DSCAM: variants seen among roughly 807,000 people sequenced by gnomAD.
DSCAM encodes the protein cell adhesion molecule DSCAM.
In DSCAM, 47 loss-of-function variants were observed where a neutral mutation model predicts 217.7. The observed-to-expected ratio is 0.22, with a 90% CI of 0.17 to 0.28. The LOEUF is 0.28. Ranked by LOEUF, DSCAM falls within the 10% of genes least tolerant of loss-of-function variation. The pLI, the probability that DSCAM is intolerant of heterozygous loss-of-function variation, is 1.00. For synonymous variants in DSCAM, 1,056 were observed against 1,015.3 expected, an observed-to-expected ratio of 1.04 and a Z score of -0.76; for missense variants, 2,080 against 2,618.3, an observed-to-expected ratio of 0.79 and a Z score of 4.49.
Position 40,085,657 on chromosome 21 carries a change from G to A in DSCAM, c.4077C>T (p.Cys1359=). The change falls in exon 23 of 33, where the codon TGC becomes TGT. Residue 1359 remains cysteine, a synonymous_variant. Coordinates refer to ENST00000400454, the MANE Select transcript of DSCAM (RefSeq NM_001389.5). ...CAGATCCCCAGTTGTTATTGGCAATGCAGCTGTAATAGCCGGAGTCTTCTG... is the reference window on the plus strand; with the variant it reads ...CAGATCCCCAGTTGTTATTGGCAATACAGCTGTAATAGCCGGAGTCTTCTG... ...VKAEDSGYYS[C]IANNNWGSDE... is the part of the protein sequence containing the mutation. 1 of 1,591,748 alleles carries A rather than the reference G, an allele frequency of 6.3e-7. No individual in the cohort carries two copies. The highest frequency in any genetic ancestry group is 8.6e-7 in the Non-Finnish European group (1 of 1,162,750).
At chr21:40,731,822 G>A (rs1287334025) in intron 1 of DSCAM, among the ~76,000 whole-genome samples, 2 of 136,964 alleles carry the variant, frequency 1.5e-5, no homozygotes, top group African/African-American at 2.7e-5. Flanking sequence ...TCTGCCTCCC[G>A]GGTTCAAGTG....
chr21:40,616,993 G>A (rs1277290443), intron 3 of DSCAM, among the ~76,000 whole-genome samples: 2 of 138,092 alleles, frequency 1.4e-5, no homozygotes, highest in Non-Finnish European at 3.1e-5. Context: ...CTCCAGCCTG[G>A]GCGACAGAGC....
Position 40,187,978 on chromosome 21 carries a change from T to C in DSCAM, c.2563A>G (p.Thr855Ala), listed in dbSNP as rs777631263. Residue 855 changes from threonine to alanine, a missense_variant, in exon 13 of 33, where the codon ACT becomes GCT. Physicochemically the swap from Thr to Ala is moderately conservative, Grantham distance 58. Coordinates refer to ENST00000400454, the MANE Select transcript of DSCAM (RefSeq NM_001389.5). ...AAGAAACCAGAATCTTCTCTCACAG[T>C]TGGCAAAATCTATGTGTAAAGCAGA... Reference protein sequence around the residue: ...EVISTLQILPTVREDSGFFSC... With the variant: ...EVISTLQILPAVREDSGFFSC... 1.2e-6 allele frequency: 2 copies of C among 1,613,778 alleles called. No homozygotes were observed. Among genetic ancestry groups the C allele is most frequent in the Non-Finnish European group, 1.7e-6 (2 of 1,179,834 alleles).
intron 3 of DSCAM, among the ~76,000 whole-genome samples, chr21:40,554,345 C>T (rs2076654378): frequency 6.6e-6 from 1 of 152,052 alleles, no homozygotes; most frequent in South Asian, 2.1e-4. Flanking sequence ...ATCATTCTTA[C>T]AAAAATGGAA....
intron 11 of DSCAM, among the ~76,000 whole-genome samples, chr21:40,240,854 T>C (rs1196558118): frequency 6.6e-6 from 1 of 152,190 alleles, no homozygotes; most frequent in Non-Finnish European, 1.5e-5. Context: ...GCAGAGATCC[T>C]GATGATTCTA....
At chr21:40,141,975 T>TACACACACACACACACACACACACACAC (rs72076559) in intron 18 of DSCAM, among the ~76,000 whole-genome samples, 43 of 143,204 alleles carry the variant, frequency 3.0e-4, no homozygotes, top group African/African-American at 9.3e-4. Context: ...CCACTTGAAA[T>TACACACACACACACACACACACACACAC]ACACACACAC....
At chr21:40,713,710 C>T (rs577016818) in intron 1 of DSCAM, among the ~76,000 whole-genome samples, 1 of 152,162 alleles carries the variant, frequency 6.6e-6, no homozygotes, top group Non-Finnish European at 1.5e-5. Context: ...GTGGAATGAG[C>T]TCATGCATTT....
At chr21:40,163,106 C>CACACACACACACACAA (rs1388207347) in intron 16 of DSCAM, among the ~76,000 whole-genome samples, 1 of 151,160 alleles carries the variant, frequency 6.6e-6, no homozygotes, top group Non-Finnish European at 1.5e-5. Context: ...CACACACACA[C>CACACACACACACACAA]AAGCATGCAC....
intron 3 of DSCAM, among the ~76,000 whole-genome samples, chr21:40,570,010 ATC>A (rs1306844581): frequency 6.6e-6 from 1 of 152,212 alleles, no homozygotes; most frequent in African/African-American, 2.4e-5. Context: ...ACTGAGGTGG[ATC>A]TCTGCATTCC....
At chr21:40,317,195 T>C (rs1426118815) in intron 8 of DSCAM, among the ~76,000 whole-genome samples, 1 of 152,204 alleles carries the variant, frequency 6.6e-6, no homozygotes, top group Non-Finnish European at 1.5e-5. Flanking sequence ...TAGTCCGGGG[T>C]ATACCTTCAA....
chr21:40,790,148 GC>G (rs1227068933), intron 1 of DSCAM, among the ~76,000 whole-genome samples: 1 of 150,770 alleles, frequency 6.6e-6, no homozygotes, highest in South Asian at 2.1e-4. Context: ...TGGTTAAATA[GC>G]CCCCTAGGAT....
chr21:40,040,893 C>T (rs937213245), intron 32 of DSCAM, among the ~76,000 whole-genome samples: 4 of 151,596 alleles, frequency 2.6e-5, no homozygotes, highest in Admixed American at 6.6e-5. Context: ...CTGCATTTTT[C>T]TCCATTTGCC....
At chr21:40,791,537 C>T (rs994932570) in intron 1 of DSCAM, among the ~76,000 whole-genome samples, 1 of 152,104 alleles carries the variant, frequency 6.6e-6, no homozygotes, top group Non-Finnish European at 1.5e-5. Flanking sequence ...CGCCTGTAGT[C>T]CCAGCTACTC....
At chr21:40,691,178 G>T (rs967856920) in intron 3 of DSCAM, among the ~76,000 whole-genome samples, 1 of 152,218 alleles carries the variant, frequency 6.6e-6, no homozygotes, top group African/African-American at 2.4e-5. Flanking sequence ...ATTGAGGTCA[G>T]GCATGGCCAT....
intron 9 of DSCAM, among the ~76,000 whole-genome samples, chr21:40,310,802 A>C (rs1015825083): frequency 6.6e-6 from 1 of 152,054 alleles, no homozygotes; most frequent in African/African-American, 2.4e-5. Flanking sequence ...TCCCTTTTTT[A>C]TTTATCTTTC....
At chr21:40,637,619 A>ATC (rs2089817451) in intron 3 of DSCAM, among the ~76,000 whole-genome samples, 1 of 57,274 alleles carries the variant, frequency 1.7e-5, no homozygotes, top group Non-Finnish European at 3.0e-5. Flanking sequence ...ATATATAAAT[A>ATC]TATACATATA....
chr21:40,663,324 G>A (rs2090162693), intron 3 of DSCAM, among the ~76,000 whole-genome samples: 1 of 151,914 alleles, frequency 6.6e-6, no homozygotes, highest in Non-Finnish European at 1.5e-5. Flanking sequence ...GTGTGTAAGA[G>A]AGTATGTGTG....
rs956214947 is a variant in DSCAM at position 40,391,581 on chromosome 21, G to T, written c.509-22336C>A. ...ACTATGATTTATCCTTCTCTCCAGGGTTGTTCATACTGTGGAGTTTTTCTA... is the reference window on the plus strand; with the variant it reads ...ACTATGATTTATCCTTCTCTCCAGGTTTGTTCATACTGTGGAGTTTTTCTA... On this transcript the variant is annotated intron_variant, in intron 3 of 32. Coordinates refer to ENST00000400454, the MANE Select transcript of DSCAM (RefSeq NM_001389.5). Among the ~76,000 whole-genome samples, 12 of 152,162 alleles carry T rather than the reference G, an allele frequency of 7.9e-5. No homozygotes were observed. In the East Asian group the frequency reaches 1.7e-3, roughly 22 times the overall value.
intron 16 of DSCAM, among the ~76,000 whole-genome samples, chr21:40,160,387 CTAA>C (rs1440925127): frequency 6.6e-6 from 1 of 152,122 alleles, no homozygotes; most frequent in Admixed American, 6.5e-5. Flanking sequence ...TTAACTTACG[CTAA>C]TGTTACTTTA....
Sources: gnomAD v4.1 joint callset for allele counts (sites outside exome capture counted in the v4.1 genomes callset) on GRCh38, gnomAD v4.1.1 for gene constraint, MANE v1.5 for transcripts, NCBI Gene and HGNC (gene_info 2026-07-23, HGNC 2026-07-21) for gene names.